The following TRIM4 variants were observed in gnomAD, a reference collection of about 807,000 sequenced individuals.
TRIM4 encodes the protein E3 ubiquitin-protein ligase TRIM4.
Under a neutral mutation model 33.7 loss-of-function variants are expected in TRIM4, and 29 were observed. The observed-to-expected ratio is 0.86, with a 90% CI of 0.64 to 1.17. TRIM4 has a LOEUF of 1.17. Ranked by LOEUF, TRIM4 falls within the 50% of genes most tolerant of loss-of-function variation. The pLI is 0.00. For missense variants in TRIM4, 554 were observed against 593.7 expected (o/e 0.93, Z 0.69); for synonymous variants, 224 against 233.0 (o/e 0.96, Z 0.35).
At chr7:99,898,235 G>A (rs968029215) in intron 5 of TRIM4, among the ~76,000 whole-genome samples, 3 of 152,148 alleles carry the variant, frequency 2.0e-5, no homozygotes, top group Non-Finnish European at 4.4e-5. Flanking sequence ...CCAGCTGTGG[G>A]GTATTCCATA....
chr7:99,909,354 A>G (rs747159641), intron 2 of TRIM4, among the ~76,000 whole-genome samples: 2 of 152,174 alleles, frequency 1.3e-5, no homozygotes, highest in Non-Finnish European at 1.5e-5. Context: ...TTCCTCTCCT[A>G]TCCCCGTATC....
At chr7:99,906,166 A>AG (rs545846978) in intron 3 of TRIM4, among the ~76,000 whole-genome samples, 3 of 152,114 alleles carry the variant, frequency 2.0e-5, no homozygotes, top group Non-Finnish European at 4.4e-5. Context: ...GTAAAAAAAA[A>AG]TTAGAGTGTG....
intron 3 of TRIM4, 134 bp from the exon 4 acceptor site, chr7:99,903,732 A>C (rs1819230939): frequency 1.1e-6 from 1 of 944,506 alleles, no homozygotes. Context: ...CAAAGCCAAC[A>C]GATTGACAGA....
At chr7:99,909,349 C>T (rs1819384369) in intron 2 of TRIM4, among the ~76,000 whole-genome samples, 1 of 152,136 alleles carries the variant, frequency 6.6e-6, no homozygotes, top group African/African-American at 2.4e-5. Context: ...GGTACTTCCT[C>T]TCCTATCCCC....
intron 5 of TRIM4, among the ~76,000 whole-genome samples, chr7:99,895,267 C>G (rs1175425301): frequency 6.6e-6 from 1 of 152,172 alleles, no homozygotes; most frequent in East Asian, 1.9e-4. Flanking sequence ...CCTTTTCATT[C>G]CATTCAAACT....
rs1315697014 is a variant in TRIM4 at position 99,892,241 on chromosome 7, A to AG, written c.1346dup (p.Val450CysfsTer23). 1 of 1,614,200 alleles carries AG rather than the reference A, an allele frequency of 6.2e-7. No individual in the cohort carries two copies. The highest frequency in any genetic ancestry group is 1.7e-5 in the Admixed American group (1 of 60,032). ...AAAAAAATGGCCGGAGGCGTGAGAC[A>AG]GAAGAACAAGAAAAGGTGTGCAGGT... On this transcript the variant is annotated frameshift_variant, in exon 6 of 6. Transcript: ENST00000349062. LOFTEE classifies it low-confidence loss of function (END_TRUNC).
chr7:99,892,189 TGACTAAAGATGCTAATG>T lies in TRIM4; in HGVS notation c.1382_1398del (p.Pro461HisfsTer6). 6.2e-7 allele frequency: 1 copy of T among 1,612,296 alleles called. No homozygotes were observed. Among genetic ancestry groups the T allele is most frequent in the Non-Finnish European group, 8.5e-7 (1 of 1,179,358 alleles). ...CATTTCCTATCAGTCACTGGTGGAA[TGACTAAAGATGCTAATG>T]GACTCAACCAAAAAAATGGCCGGAG... On this transcript the variant is annotated frameshift_variant, in exon 6 of 6. Transcript: ENST00000349062. LOFTEE classifies it high-confidence loss of function.
chr7:99,903,696 T>C (rs2151646313), intron 3 of TRIM4, 98 bp from the exon 4 acceptor site: 1 of 1,356,838 alleles, frequency 7.4e-7, no homozygotes, highest in Non-Finnish European at 1.0e-6. Flanking sequence ...TTGCATTTGC[T>C]CATGTCACAT....
rs1421467380 is a variant in TRIM4 at position 99,908,708 on chromosome 7, T to C, written c.594A>G (p.Glu198=). ...TCAGCTTCTTCTTCGTCTCTTCTTCTTCTTTGTTCAATCTCTGAAGAAACA... is the reference window on the plus strand; with the variant it reads ...TCAGCTTCTTCTTCGTCTCTTCTTCCTCTTTGTTCAATCTCTGAAGAAACA... ...EDLFLQRLNK[E]EEETKKKLNE... is the part of the protein sequence containing the mutation. Residue 198 remains glutamate (E), a synonymous_variant, in exon 3 of 6, where the codon GAA becomes GAG. Coordinates refer to ENST00000349062, the MANE Select transcript of TRIM4 (RefSeq NM_033091.3). 1.4e-5 allele frequency: 23 copies of C among 1,614,112 alleles called. No individual in the cohort carries two copies. Among genetic ancestry groups the C allele is most frequent in the Non-Finnish European group, 1.9e-5 (23 of 1,180,042 alleles).
At chr7:99,911,196 C>T (rs1399057307) in intron 1 of TRIM4, among the ~76,000 whole-genome samples, 1 of 152,052 alleles carries the variant, frequency 6.6e-6, no homozygotes, top group African/African-American at 2.4e-5. Context: ...CTTGGGTGAG[C>T]GTAAAATCAC....
rs1392110941 is a variant in TRIM4 at position 99,892,507 on chromosome 7, T to C, written c.1081A>G (p.Arg361Gly). Residue 361 changes from arginine to glycine, a missense_variant, in exon 6 of 6, where the codon AGA (arginine) becomes GGA (glycine). This residue lies in a region of TRIM4 where 290 missense variants were observed against 335.8 expected (regional missense o/e 0.86). Coordinates refer to ENST00000349062, the MANE Select transcript of TRIM4 (RefSeq NM_033091.3). ...SGKHYWEVES[R>G]DSLEVAVGVC... The stretch of plus-strand genomic sequence containing the variant: ...CCAACAGCAACCTCCAGACTATCTC[T>C]ACTCTCAACTTCCCAGTAATGTTTC... The C allele has an allele frequency of 1.2e-6, 2 of 1,614,142 alleles. No individual in the cohort carries two copies. Among genetic ancestry groups the C allele is most frequent in the South Asian group, 1.1e-5 (1 of 91,080 alleles).
intron 3 of TRIM4, among the ~76,000 whole-genome samples, chr7:99,908,033 T>G (rs1819348615): frequency 6.6e-6 from 1 of 152,250 alleles, no homozygotes; most frequent in African/African-American, 2.4e-5. Context: ...GAGGGGCTTT[T>G]GATAACAAAC....
intron 1 of TRIM4, among the ~76,000 whole-genome samples, chr7:99,914,396 T>C (rs887070058): frequency 6.6e-6 from 1 of 152,148 alleles, no homozygotes; most frequent in African/African-American, 2.4e-5. Context: ...ACTCAAGCAA[T>C]CCTCCTGCCT....
rs1452056983 is a variant in TRIM4, at chr7:99,890,643, C to T, written c.*1520G>A. 6.6e-6 allele frequency: 1 copy of T among 152,172 alleles called. No homozygotes were observed. The highest frequency in any genetic ancestry group is 1.5e-5 in the Non-Finnish European group (1 of 68,042). 9.4% of individuals were successfully genotyped at this position (152,172 alleles called of 1,614,324 possible). ...AACAGAAAACCAAACATCACATGTT[C>T]TCACGTATAAGGGAGAGCTAAACAT... On this transcript the variant is annotated 3_prime_UTR_variant, in exon 6 of 6. Coordinates refer to ENST00000349062, the MANE Select transcript of TRIM4 (RefSeq NM_033091.3).
chr7:99,919,200 C>A lies in TRIM4; in HGVS notation c.202G>T (p.Ala68Ser), dbSNP rs566935282. The change falls in exon 1 of 6, where the codon GCC (alanine) becomes TCC (serine). Residue 68 changes from alanine (A) to serine (S), a missense_variant. Ala to Ser is a moderately conservative substitution (Grantham distance 99). Coordinates refer to ENST00000349062, the MANE Select transcript of TRIM4 (RefSeq NM_033091.3). ...PAALRPNWAL[A>S]RLTEKTQRRR... Reference sequence around the variant, plus strand: ...CGCTGCGTCTTCTCAGTCAGCCTGGCCAGGGCCCAGTTGGGTCGCAGCGCG... The same window carrying A: ...CGCTGCGTCTTCTCAGTCAGCCTGGACAGGGCCCAGTTGGGTCGCAGCGCG... The A allele has an allele frequency of 1.5e-5, 23 of 1,503,396 alleles. No homozygotes were observed. In the South Asian group the frequency reaches 2.0e-4, roughly 13 times the overall value. 93.1% of individuals were successfully genotyped at this position (1,503,396 alleles called of 1,614,324 possible). A position where few individuals can be genotyped will look rare whatever the true frequency, so the allele number is the denominator to read the frequency against.
chr7:99,898,532 C>A (rs12670351), intron 5 of TRIM4, among the ~76,000 whole-genome samples: 1 of 152,178 alleles, frequency 6.6e-6, no homozygotes, highest in African/African-American at 2.4e-5. Context: ...GGTAGATGCA[C>A]CTGGGGTCGT....
At chr7:99,902,988 C>T (rs139927414) in intron 5 of TRIM4, among the ~76,000 whole-genome samples, 156 of 152,170 alleles carry the variant, frequency 1.0e-3, no homozygotes, top group African/African-American at 3.7e-3. Flanking sequence ...CTCCAATGTG[C>T]TTACGAACTC....
rs1308222371 is a variant in TRIM4 at position 99,892,641 on chromosome 7, G to A, written c.947C>T (p.Ser316Phe). ...TASASSWPVF[S>F]SAWNYFAGWR... ...TCCAGCAAAGTAGTTCCATGCTGAA[G>A]AAAACACTGGCCAAGAACTGGCTGA... Residue 316 changes from serine (S) to phenylalanine (F), a missense_variant, in exon 6 of 6, where the codon TCT becomes TTT. By Grantham distance (155) the Ser-to-Phe change is radical. Coordinates refer to ENST00000349062, the MANE Select transcript of TRIM4 (RefSeq NM_033091.3). 1 of 1,614,192 alleles carries A rather than the reference G, an allele frequency of 6.2e-7. No individual in the cohort carries two copies. Among genetic ancestry groups the A allele is most frequent in the Non-Finnish European group, 8.5e-7 (1 of 1,180,040 alleles).
At chr7:99,902,229 C>G (rs1819192155) in intron 5 of TRIM4, 1 of 745,290 alleles carries the variant, frequency 1.3e-6, no homozygotes, top group African/African-American at 1.7e-5. Flanking sequence ...GAAGTGAACA[C>G]CCACAACATG....
Sources: allele counts gnomAD v4.1 joint callset (sites outside exome capture counted in the v4.1 genomes callset), GRCh38; gene constraint gnomAD v4.1.1; regional missense constraint gnomAD v4.1.1; transcripts MANE v1.5; gene names NCBI Gene and HGNC (gene_info 2026-07-23, HGNC 2026-07-21).